SNX29: variants seen among roughly 807,000 people sequenced by gnomAD.
SNX29 encodes sorting nexin 29.
In SNX29, 78 loss-of-function variants were observed where a neutral mutation model predicts 102.1. The observed-to-expected ratio is 0.76, with a 90% CI of 0.64 to 0.92. The LOEUF is 0.92. Among genes scored for constraint, SNX29 ranks in the 40% least tolerant of loss-of-function variants. The pLI is 0.00. For missense variants in SNX29, 1,280 were observed against 1,061.7 expected (o/e 1.21, Z -2.86); for synonymous variants, 580 against 414.5 (o/e 1.40, Z -4.85).
At chr16:12,539,946 C>G (rs765796980) in intron 20 of SNX29, among the ~76,000 whole-genome samples, 5 of 152,270 alleles carry the variant, frequency 3.3e-5, no homozygotes, top group South Asian at 4.1e-4. Flanking sequence ...GATGCAAGAC[C>G]TTTGTCGAAC....
Position 12,571,138 on chromosome 16 carries a change from C to G in SNX29, c.*2509C>G, listed in dbSNP as rs891402906. The G allele has an allele frequency of 4.3e-6, 1 of 232,606 alleles. No homozygotes were observed. The highest frequency in any genetic ancestry group is 8.5e-6 in the Non-Finnish European group (1 of 117,632). The allele number at this position is 232,606 out of a possible 1,614,324, so 14.4% of individuals were successfully genotyped here. A position where few individuals can be genotyped will look rare whatever the true frequency, so the allele number is the denominator to read the frequency against. ...TAGAATGTTCTGCAATGATTGGGTC[C>G]ATCTTGCTGCTCAGAAGAATCCCGT... is the stretch of plus-strand genomic sequence containing the variant. On this transcript the variant is annotated 3_prime_UTR_variant, in exon 21 of 21. Transcript: ENST00000566228.
At chr16:12,116,114 ACT>A (rs986289056) in intron 11 of SNX29, among the ~76,000 whole-genome samples, 1 of 151,584 alleles carries the variant, frequency 6.6e-6, no homozygotes, top group African/African-American at 2.4e-5. Context: ...ATTTTGAAAA[ACT>A]CTCTCTCCTA....
At chr16:12,046,518 C>A in intron 6 of SNX29, 64 bp downstream of exon 6, 1 of 1,484,402 alleles carries the variant, frequency 6.7e-7, no homozygotes, top group Non-Finnish European at 9.4e-7. Flanking sequence ...TGCCTTGGGG[C>A]AGTTCCACAG....
At chr16:12,208,179 G>A (rs1339043042) in intron 14 of SNX29, among the ~76,000 whole-genome samples, 1 of 152,212 alleles carries the variant, frequency 6.6e-6, no homozygotes, top group African/African-American at 2.4e-5. Flanking sequence ...TTCCATGGGT[G>A]AGGGCTAGTC....
intron 20 of SNX29, among the ~76,000 whole-genome samples, chr16:12,557,951 C>T (rs977362689): frequency 6.6e-5 from 10 of 152,068 alleles, no homozygotes; most frequent in African/African-American, 2.4e-4. Flanking sequence ...CACCGCTTGC[C>T]CTGTCTTCCT....
At chr16:12,207,723 C>G (rs1481123568) in intron 14 of SNX29, among the ~76,000 whole-genome samples, 2 of 152,182 alleles carry the variant, frequency 1.3e-5, no homozygotes, top group Admixed American at 1.3e-4. Flanking sequence ...CAGCTCTTCT[C>G]CTGTCACCTG....
intron 18 of SNX29, among the ~76,000 whole-genome samples, chr16:12,422,430 T>C (rs987802706): frequency 1.3e-4 from 20 of 152,350 alleles, no homozygotes; most frequent in African/African-American, 4.6e-4. Context: ...GGGGCAGACT[T>C]GGTAACATAA....
At chr16:12,561,578 A>T (rs1010509925) in intron 20 of SNX29, among the ~76,000 whole-genome samples, 16 of 152,158 alleles carry the variant, frequency 1.1e-4, no homozygotes, top group Non-Finnish European at 2.1e-4. Flanking sequence ...TGTCCGATTA[A>T]TGTCAGCCGC....
chr16:12,158,313 C>T (rs865953816), intron 13 of SNX29, among the ~76,000 whole-genome samples: 1 of 152,130 alleles, frequency 6.6e-6, no homozygotes, highest in Non-Finnish European at 1.5e-5. Context: ...AATTCTCCTG[C>T]CTCAGCCTGC....
chr16:12,177,809 G>A (rs1350412643), intron 13 of SNX29, among the ~76,000 whole-genome samples: 1 of 152,192 alleles, frequency 6.6e-6, no homozygotes, highest in Non-Finnish European at 1.5e-5. Context: ...AATGCCTGCT[G>A]TGGGCGGGGT....
intron 18 of SNX29, among the ~76,000 whole-genome samples, chr16:12,463,869 A>T (rs2086930484): frequency 7.0e-6 from 1 of 142,552 alleles, no homozygotes. Flanking sequence ...ATGACACTTA[A>T]AGTTGGCTTT....
At chr16:12,092,545 A>G (rs776421933) in intron 11 of SNX29, among the ~76,000 whole-genome samples, 2 of 152,176 alleles carry the variant, frequency 1.3e-5, no homozygotes, top group Non-Finnish European at 2.9e-5. Context: ...GGAATGATGC[A>G]TTACAAACTA....
At chr16:12,155,571 CTA>C (rs1438859219) in intron 13 of SNX29, among the ~76,000 whole-genome samples, 1 of 152,184 alleles carries the variant, frequency 6.6e-6, no homozygotes, top group Admixed American at 6.5e-5. Flanking sequence ...ACTGAGCCAA[CTA>C]TAACTGGGGA....
chr16:12,156,809 G>C (rs1470951216), intron 13 of SNX29, among the ~76,000 whole-genome samples: 1 of 152,206 alleles, frequency 6.6e-6, no homozygotes, highest in East Asian at 1.9e-4. Context: ...AGGAGCCCAG[G>C]GCATGGTCCC....
Position 12,566,808 on chromosome 16 carries a change from A to T in SNX29, c.2319-1698A>T, listed in dbSNP as rs551514098. ...GCCAGGCTGGTTGGGCTCAGAGATG[A>T]TTCAGAGCAGCTCCGGCTTTGTTCA... On this transcript the variant is annotated intron_variant, in intron 20 of 20. Coordinates refer to ENST00000566228, the MANE Select transcript of SNX29 (RefSeq NM_032167.5). 2.4e-4 allele frequency among the ~76,000 whole-genome samples: 37 copies of T among 152,372 alleles called. No individual in the cohort carries two copies. In the South Asian group the frequency reaches 2.5e-3, roughly 10 times the overall value.
chr16:12,033,796 G>A (rs1168101218), intron 4 of SNX29, among the ~76,000 whole-genome samples: 1 of 151,648 alleles, frequency 6.6e-6, no homozygotes, highest in Non-Finnish European at 1.5e-5. Context: ...TAGTAGAGAC[G>A]GGGTTTCATC....
chr16:12,259,956 A>G (rs963697255), intron 14 of SNX29, among the ~76,000 whole-genome samples: 16 of 151,918 alleles, frequency 1.1e-4, no homozygotes, highest in Admixed American at 9.2e-4. Context: ...TGCCCCATGA[A>G]TGCAGCCGCT....
intron 5 of SNX29, among the ~76,000 whole-genome samples, chr16:12,045,289 A>T (rs1432287084): frequency 6.6e-6 from 1 of 152,202 alleles, no homozygotes; most frequent in East Asian, 1.9e-4. Context: ...CAGGTCATGT[A>T]TCCCTGACTT....
chr16:12,417,157 C>G (rs746858557), intron 18 of SNX29, among the ~76,000 whole-genome samples: 37 of 152,334 alleles, frequency 2.4e-4, no homozygotes, highest in Admixed American at 4.6e-4. Flanking sequence ...GCATTCTACT[C>G]CATAATCCAT....
Sources: gnomAD v4.1 joint callset for allele counts (sites outside exome capture counted in the v4.1 genomes callset) on GRCh38, gnomAD v4.1.1 for gene constraint, MANE v1.5 for transcripts, NCBI Gene and HGNC (gene_info 2026-07-23, HGNC 2026-07-21) for gene names.